YAE1: variants seen among roughly 807,000 people sequenced by gnomAD.
YAE1 encodes the protein YAE1 maturation factor of ABCE1.
YAE1 carries 22 observed loss-of-function variants against 23.0 expected under a neutral mutation model. The observed-to-expected ratio is 0.96, with a 90% CI of 0.68 to 1.37. The LOEUF (loss-of-function observed/expected upper bound fraction) is 1.37, where lower values mean the gene tolerates loss of function less well. Ranked by LOEUF, YAE1 falls within the 40% of genes most tolerant of loss-of-function variation. YAE1 has a pLI of 0.00. For synonymous variants in YAE1, 101 were observed against 97.0 expected (o/e 1.04, Z -0.24); for missense variants, 260 against 262.1 (o/e 0.99, Z 0.06).
At chr7:39,577,492 G>A (rs1790672932), downstream of YAE1, among the ~76,000 whole-genome samples, 1 of 152,240 alleles carries the variant, frequency 6.6e-6, no homozygotes, top group South Asian at 2.1e-4. Flanking sequence ...GGGCTTGGCA[G>A]GCCCTGCACT....
In YAE1 at chr7:39,601,682, C is replaced by T. The variant is rs569081385; in HGVS notation, c.252-7935C>T. ...GCTGAGGCAGGAGAATCACTTGAAC[C>T]CAGGAGGCAGAGGTTTCAGTGAGCC... On this transcript the variant is annotated intron_variant, in intron 2 of 2. Transcript: ENST00000432096. Among the ~76,000 whole-genome samples, 3 of 151,462 alleles carry T rather than the reference C, an allele frequency of 2.0e-5. No homozygotes were observed. In the South Asian group the frequency reaches 6.3e-4, roughly 32 times the overall value.
chr7:39,578,622 G>A (rs1790694121), intron 2 of YAE1, among the ~76,000 whole-genome samples: 1 of 152,132 alleles, frequency 6.6e-6, no homozygotes, highest in South Asian at 2.1e-4. Context: ...TCACCGCGAA[G>A]GTCTGTAGCT....
chr7:39,599,351 T>A (rs911659453), intron 2 of YAE1, among the ~76,000 whole-genome samples: 1 of 151,732 alleles, frequency 6.6e-6, no homozygotes, highest in African/African-American at 2.4e-5. Flanking sequence ...GTTTCTATGT[T>A]GAAGTGTTTT....
chr7:39,598,647 C>G (rs1362619558), intron 2 of YAE1, among the ~76,000 whole-genome samples: 1 of 151,528 alleles, frequency 6.6e-6, no homozygotes, highest in African/African-American at 2.4e-5. Context: ...TGTGGTGGCT[C>G]ATGCCTGTAG....
exon 3 of YAE1, chr7:39,610,072 C>G: frequency 7.0e-7 from 1 of 1,434,354 alleles, no homozygotes; most frequent in South Asian, 1.5e-5. Flanking sequence ...GCAGGTTTCT[C>G]CTGGGTGAAG....
At chr7:39,586,683 G>A (rs967959101) in intron 2 of YAE1, among the ~76,000 whole-genome samples, 2 of 151,498 alleles carry the variant, frequency 1.3e-5, no homozygotes, top group South Asian at 4.2e-4. Flanking sequence ...ATTTTTAGTA[G>A]AGACGGGGTT....
Position 39,570,487 on chromosome 7 carries a change from C to T in YAE1, c.130-19C>T, listed in dbSNP as rs1361397003. The T allele has an allele frequency of 6.2e-7, 1 of 1,606,576 alleles. No individual in the cohort carries two copies. Among genetic ancestry groups the T allele is most frequent in the Non-Finnish European group, 8.5e-7 (1 of 1,178,558 alleles). On this transcript the variant is annotated intron_variant, in intron 1 of 2. Coordinates refer to ENST00000223273, the MANE Select transcript of YAE1 (RefSeq NM_020192.5). Reference sequence around the variant, plus strand: ...TATATACTTAGTTACAGCTGCACTTCTCCATTACTTATTTTTAGGAAGGTT... The same window carrying T: ...TATATACTTAGTTACAGCTGCACTTTTCCATTACTTATTTTTAGGAAGGTT...
At chr7:39,586,338 A>G (rs1790813507) in intron 2 of YAE1, among the ~76,000 whole-genome samples, 1 of 149,468 alleles carries the variant, frequency 6.7e-6, no homozygotes, top group Non-Finnish European at 1.5e-5. Context: ...ATGCCCGGCT[A>G]ATTTTTTGTA....
intron 2 of YAE1, among the ~76,000 whole-genome samples, chr7:39,586,110 A>G (rs1790810052): frequency 6.6e-6 from 1 of 151,952 alleles, no homozygotes; most frequent in South Asian, 2.1e-4. Flanking sequence ...AAAGAAATAT[A>G]TATATCCTAG....
At chr7:39,603,679 C>G (rs1213835516) in intron 2 of YAE1, among the ~76,000 whole-genome samples, 1 of 152,058 alleles carries the variant, frequency 6.6e-6, no homozygotes, top group African/African-American at 2.4e-5. Flanking sequence ...AGATGTTTCA[C>G]CAGAGTAATA....
chr7:39,578,683 G>T (rs950693712), intron 2 of YAE1, among the ~76,000 whole-genome samples: 1 of 152,032 alleles, frequency 6.6e-6, no homozygotes, highest in African/African-American at 2.4e-5. Context: ...AAGAAACTCC[G>T]AACACGTCTG....
chr7:39,586,724 C>G (rs1790823021), intron 2 of YAE1, among the ~76,000 whole-genome samples: 1 of 152,112 alleles, frequency 6.6e-6, no homozygotes, highest in Admixed American at 6.5e-5. Flanking sequence ...GCCTCCATCT[C>G]CTGACCTCGT....
intron 2 of YAE1, chr7:39,609,540 T>C (rs1461746084): frequency 6.7e-7 from 1 of 1,483,106 alleles, no homozygotes; most frequent in South Asian, 1.3e-5. Context: ...TGTTATCGAA[T>C]TGGGAGAATG....
chr7:39,599,372 TTTTTTG>T (rs147011949), intron 2 of YAE1, among the ~76,000 whole-genome samples: 36 of 151,790 alleles, frequency 2.4e-4, no homozygotes, highest in Admixed American at 3.9e-4. Flanking sequence ...TTTGTTTTGT[TTTTTTG>T]TTTTTGTTTT....
chr7:39,609,656 G>A, exon 3 of YAE1: 1 of 1,535,684 alleles, frequency 6.5e-7, no homozygotes, highest in Non-Finnish European at 8.7e-7. Context: ...TGAGAGCCCC[G>A]CTGAGGAGTC....
At chr7:39,607,824 A>G (rs1413221513) in intron 2 of YAE1, among the ~76,000 whole-genome samples, 1 of 152,142 alleles carries the variant, frequency 6.6e-6, no homozygotes, top group Non-Finnish European at 1.5e-5. Context: ...GTGTGCCACC[A>G]TGCCTGGCTA....
chr7:39,610,001 C>A, exon 3 of YAE1: 1 of 1,511,120 alleles, frequency 6.6e-7, no homozygotes, highest in Non-Finnish European at 8.8e-7. Flanking sequence ...TGTTCTTAAT[C>A]AGAGGGCAGC....
chr7:39,587,624 T>G (rs370373666), intron 2 of YAE1, among the ~76,000 whole-genome samples: 10 of 152,316 alleles, frequency 6.6e-5, no homozygotes, highest in Admixed American at 5.2e-4. Context: ...ATGCAACACA[T>G]CTGCCACATC....
At chr7:39,588,805 CAA>C (rs965126420) in intron 2 of YAE1, among the ~76,000 whole-genome samples, 9 of 144,762 alleles carry the variant, frequency 6.2e-5, no homozygotes, top group African/African-American at 2.0e-4. Flanking sequence ...AAAATGTAAA[CAA>C]TATATAATTT....
Sources: gnomAD v4.1 joint callset for allele counts (sites outside exome capture counted in the v4.1 genomes callset) on GRCh38, gnomAD v4.1.1 for gene constraint, MANE v1.5 for transcripts, NCBI Gene and HGNC (gene_info 2026-07-23, HGNC 2026-07-21) for gene names.